Variants in TAB2 observed in about 807,000 individuals in gnomAD.
TAB2 encodes the protein TGF-beta-activated kinase 1 and MAP3K7-binding protein 2.
TAB2 carries 3 observed loss-of-function variants against 65.0 expected under a neutral mutation model. The ratio of observed to expected loss-of-function variants is 0.05; its 90% CI spans 0.02 to 0.12. The LOEUF (loss-of-function observed/expected upper bound fraction) is 0.12, where lower values mean the gene tolerates loss of function less well. Among genes scored for constraint, TAB2 ranks in the 10% least tolerant of loss-of-function variants. TAB2 has a pLI of 1.00. For synonymous variants in TAB2, 298 were observed against 285.1 expected, an observed-to-expected ratio of 1.05 and a Z score of -0.46; for missense variants, 623 against 840.3, an observed-to-expected ratio of 0.74 and a Z score of 3.20.
chr6:149,396,338 G>A (rs1782169684), intron 3 of TAB2, among the ~76,000 whole-genome samples: 1 of 152,040 alleles, frequency 6.6e-6, no homozygotes, highest in Admixed American at 6.6e-5. Context: ...TTTCTTAGAT[G>A]TCTGTGAGAC....
chr6:149,260,340 C>G (rs1012722048), intron 1 of TAB2, among the ~76,000 whole-genome samples: 1 of 152,204 alleles, frequency 6.6e-6, no homozygotes, highest in Non-Finnish European at 1.5e-5. Context: ...TGACCCACCG[C>G]GTGCTCCAGC....
intron 1 of TAB2, among the ~76,000 whole-genome samples, chr6:149,307,175 C>A (rs579488): frequency 0.36 from 54,616 of 151,818 alleles, 10,370 homozygotes; most frequent in African/African-American, 0.49. Context: ...GCATTAGGCC[C>A]CCGAGTCTCA....
chr6:149,380,561 A>C (rs915596854), intron 3 of TAB2, among the ~76,000 whole-genome samples: 3 of 152,226 alleles, frequency 2.0e-5, no homozygotes, highest in South Asian at 4.1e-4. Flanking sequence ...CTCTTAAGTT[A>C]CATAATTTTC....
intron 1 of TAB2, among the ~76,000 whole-genome samples, chr6:149,352,333 C>CT: frequency 6.6e-6 from 1 of 152,240 alleles, no homozygotes; most frequent in South Asian, 2.1e-4. Flanking sequence ...TTCCTACACT[C>CT]TTAAATATAT....
chr6:149,328,205 A>G (rs1486900846), intron 1 of TAB2, among the ~76,000 whole-genome samples: 4 of 152,250 alleles, frequency 2.6e-5, no homozygotes, highest in Non-Finnish European at 2.9e-5. Context: ...AGCGTATTTC[A>G]TATGTCTTCT....
At chr6:149,255,849 A>G (rs903739419) in intron 1 of TAB2, among the ~76,000 whole-genome samples, 52 of 152,348 alleles carry the variant, frequency 3.4e-4, no homozygotes, top group African/African-American at 1.2e-3. Context: ...AAAATTTGGA[A>G]AGAGAAAGAA....
intron 1 of TAB2, among the ~76,000 whole-genome samples, chr6:149,366,404 C>G (rs958320211): frequency 2.0e-5 from 3 of 152,042 alleles, no homozygotes; most frequent in Admixed American, 2.0e-4. Context: ...TTAGGGCCTC[C>G]TCTCTGTGGT....
chr6:149,264,844 G>A (rs549705122), intron 1 of TAB2, among the ~76,000 whole-genome samples: 3 of 152,354 alleles, frequency 2.0e-5, no homozygotes, highest in East Asian at 1.9e-4. Flanking sequence ...ATGAAGTACC[G>A]GCAGCACTGG....
At chr6:149,360,045 G>C (rs906521774) in intron 1 of TAB2, among the ~76,000 whole-genome samples, 3 of 152,074 alleles carry the variant, frequency 2.0e-5, no homozygotes, top group Non-Finnish European at 2.9e-5. Flanking sequence ...AATAAATCCA[G>C]CTCTATAGTT....
intron 1 of TAB2, among the ~76,000 whole-genome samples, chr6:149,274,209 G>A (rs1384292447): frequency 6.6e-6 from 1 of 152,184 alleles, no homozygotes; most frequent in Non-Finnish European, 1.5e-5. Context: ...TGGCTGGGTG[G>A]TCTTGCCCTC....
At chr6:149,405,352 A>G (rs897830963) in intron 6 of TAB2, among the ~76,000 whole-genome samples, 1 of 152,246 alleles carries the variant, frequency 6.6e-6, no homozygotes, top group Non-Finnish European at 1.5e-5. Flanking sequence ...GAAAAACAGC[A>G]TGCAGGTTCA....
At chr6:149,396,316 G>A (rs1782168735) in intron 3 of TAB2, among the ~76,000 whole-genome samples, 1 of 152,174 alleles carries the variant, frequency 6.6e-6, no homozygotes, top group Non-Finnish European at 1.5e-5. Context: ...ACCATGCCCA[G>A]CCTGGAATTT....
chr6:149,367,404 G>A (rs1320758991), intron 1 of TAB2, among the ~76,000 whole-genome samples: 1 of 152,068 alleles, frequency 6.6e-6, no homozygotes, highest in Non-Finnish European at 1.5e-5. Context: ...TAGCCCTAAG[G>A]GAAGAACAAG....
chr6:149,380,508 A>G (rs1772449510), intron 3 of TAB2, among the ~76,000 whole-genome samples: 1 of 152,198 alleles, frequency 6.6e-6, no homozygotes, highest in Admixed American at 6.5e-5. Context: ...TTATGTCTAT[A>G]TTAATTCAAA....
chr6:149,342,812 A>G (rs1318494023), intron 1 of TAB2: 2 of 152,238 alleles, frequency 1.3e-5, no homozygotes, highest in Non-Finnish European at 2.9e-5. Context: ...AACAGCTACA[A>G]TTTGAATTTT....
intron 1 of TAB2, among the ~76,000 whole-genome samples, chr6:149,340,611 A>T (rs561315105): frequency 1.4e-4 from 21 of 152,276 alleles, no homozygotes; most frequent in South Asian, 4.1e-4. Context: ...TAAAAAATTT[A>T]AAAAAGTGGT....
chr6:149,300,855 C>CTAGTCTCTGGCA (rs1398835747), intron 1 of TAB2, among the ~76,000 whole-genome samples: 10 of 152,172 alleles, frequency 6.6e-5, no homozygotes, highest in African/African-American at 2.4e-4. Flanking sequence ...TTAAAGTATC[C>CTAGTCTCTGGCA]TAGTCTCTGC....
At chr6:149,282,923 A>C (rs1015879618) in intron 1 of TAB2, among the ~76,000 whole-genome samples, 1 of 152,196 alleles carries the variant, frequency 6.6e-6, no homozygotes, top group South Asian at 2.1e-4. Flanking sequence ...AGCATTCTTA[A>C]CTGCTGGGTC....
exon 1 of TAB2, chr6:149,218,692 T>A (rs1777074840): frequency 2.2e-6 from 1 of 453,674 alleles, no homozygotes. Flanking sequence ...AAACACCATC[T>A]GATCCAGTTT....
Sources: gnomAD v4.1 joint callset for allele counts (sites outside exome capture counted in the v4.1 genomes callset) on GRCh38, gnomAD v4.1.1 for gene constraint, MANE v1.5 for transcripts, NCBI Gene and HGNC (gene_info 2026-07-23, HGNC 2026-07-21) for gene names.